Variants in RPTOR observed in about 807,000 individuals in gnomAD.
The protein encoded by RPTOR is regulatory associated protein of MTOR complex 1.
RPTOR carries 21 observed loss-of-function variants against 169.9 expected under a neutral mutation model. That is an observed-to-expected ratio of 0.12 (90% CI 0.09 to 0.18). The LOEUF is 0.18. Among genes scored for constraint, RPTOR ranks in the 10% least tolerant of loss-of-function variants. The pLI is 1.00. For missense variants in RPTOR, 1,133 were observed against 1,855.9 expected, an observed-to-expected ratio of 0.61 and a Z score of 7.16; for synonymous variants, 732 against 753.2, an observed-to-expected ratio of 0.97 and a Z score of 0.46.
chr17:80,601,572 T>TTTTTTTTTTTTTA (rs1491485204), intron 1 of RPTOR, among the ~76,000 whole-genome samples: 1 of 48,596 alleles, frequency 2.1e-5, no homozygotes, highest in African/African-American at 1.1e-4. Context: ...TTTTTTTTTT[T>TTTTTTTTTTTTTA]AAATTTATTT....
intron 10 of RPTOR, among the ~76,000 whole-genome samples, chr17:80,841,887 C>T (rs1282311910): frequency 9.1e-6 from 1 of 109,846 alleles, no homozygotes; most frequent in Non-Finnish European, 1.9e-5. Context: ...GCAGCTCACT[C>T]TTACCGCACG....
intron 6 of RPTOR, among the ~76,000 whole-genome samples, chr17:80,789,512 C>T (rs945673444): frequency 3.9e-5 from 6 of 152,192 alleles, no homozygotes; most frequent in Non-Finnish European, 5.9e-5. Flanking sequence ...CTGTCCTCCA[C>T]GGGGATCCTG....
intron 9 of RPTOR, among the ~76,000 whole-genome samples, chr17:80,834,698 A>T (rs1430768686): frequency 6.6e-6 from 1 of 152,168 alleles, no homozygotes; most frequent in African/African-American, 2.4e-5. Flanking sequence ...CGGTGTGCTG[A>T]GCGATGTCTC....
At chr17:80,915,983 T>C (rs955239627) in intron 21 of RPTOR, among the ~76,000 whole-genome samples, 1 of 152,136 alleles carries the variant, frequency 6.6e-6, no homozygotes, top group Non-Finnish European at 1.5e-5. Flanking sequence ...CTACCAACTG[T>C]GGGTCTCCTC....
Position 80,841,399 on chromosome 17 carries a change from G to A in RPTOR, c.1212+3402G>A, listed in dbSNP as rs1231276061. Among the ~76,000 whole-genome samples the A allele has an allele frequency of 1.1e-3, 85 of 76,984 alleles. 1 individual carries two copies. Among genetic ancestry groups the A allele is most frequent in the Middle Eastern group, 0.01 (1 of 96 alleles). The allele number at this position is 76,984 out of a possible 152,430, so 50.5% of individuals were successfully genotyped here. Reference sequence around the variant, plus strand: ...CACTCACCGCACGGCAGCTCACACCGCACGGCAGCTCACACTCACCACACG... The same window carrying A: ...CACTCACCGCACGGCAGCTCACACCACACGGCAGCTCACACTCACCACACG... On this transcript the variant is annotated intron_variant, in intron 10 of 33. Transcript: ENST00000306801.
intron 1 of RPTOR, among the ~76,000 whole-genome samples, chr17:80,566,601 A>G (rs2064843638): frequency 6.6e-6 from 1 of 152,040 alleles, no homozygotes; most frequent in East Asian, 1.9e-4. Flanking sequence ...CAGGCGGATC[A>G]TGAGGTCAGG....
rs1468406195 is a variant in RPTOR at position 80,820,620 on chromosome 17, T to C, written c.891-1581T>C. Among the ~76,000 whole-genome samples the C allele has an allele frequency of 6.6e-6, 1 of 152,142 alleles. No homozygotes were observed. The highest frequency in any genetic ancestry group is 1.5e-5 in the Non-Finnish European group (1 of 68,016). On this transcript the variant is annotated intron_variant, in intron 7 of 33. Coordinates refer to ENST00000306801, the MANE Select transcript of RPTOR (RefSeq NM_020761.3). This position sits in a 1 kb window ranked among gnomAD's most constrained non-coding sequence, Gnocchi z 4.1. ...AGAGGGTGGGCACCTTTGCTTTTCC[T>C]CACTCCCCTGCTCGGAGGTCGGAGG...
At chr17:80,931,973 C>T (rs1443237165) in intron 24 of RPTOR, among the ~76,000 whole-genome samples, 2 of 152,096 alleles carry the variant, frequency 1.3e-5, no homozygotes, top group East Asian at 3.9e-4. Flanking sequence ...CAAAAACCCT[C>T]CCGAAACCCA....
In RPTOR at chr17:80,800,867, C is replaced by T. The variant is rs567451267; in HGVS notation, c.890+9358C>T. ...GCTCAAAGCGTACCCAGAACTTACT[C>T]GTGATTAACATTGATTGTGTACACA... On this transcript the variant is annotated intron_variant, in intron 7 of 33. Coordinates refer to ENST00000306801, the MANE Select transcript of RPTOR (RefSeq NM_020761.3). Among the ~76,000 whole-genome samples, 9 of 152,336 alleles carry T rather than the reference C, an allele frequency of 5.9e-5. No individual in the cohort carries two copies. In the East Asian group the frequency reaches 1.5e-3, roughly 26 times the overall value.
intron 7 of RPTOR, among the ~76,000 whole-genome samples, chr17:80,811,267 C>A (rs79658599): frequency 1.3e-5 from 2 of 152,292 alleles, no homozygotes; most frequent in East Asian, 3.9e-4. Context: ...GCTTCTAGAC[C>A]TAGTTTTCTG....
chr17:80,638,660 G>T (rs1567833613), intron 2 of RPTOR, among the ~76,000 whole-genome samples: 1 of 152,068 alleles, frequency 6.6e-6, no homozygotes, highest in Non-Finnish European at 1.5e-5. Flanking sequence ...GTCTCAAGGT[G>T]GTATCTCTGC....
intron 3 of RPTOR, among the ~76,000 whole-genome samples, chr17:80,693,425 A>T (rs1484072113): frequency 6.6e-6 from 1 of 152,272 alleles, no homozygotes; most frequent in Non-Finnish European, 1.5e-5. Flanking sequence ...TGGAAGCAAT[A>T]GCTTTTCTTT....
chr17:80,664,307 T>A (rs1273341255), intron 3 of RPTOR, among the ~76,000 whole-genome samples: 1 of 152,212 alleles, frequency 6.6e-6, no homozygotes, highest in Admixed American at 6.5e-5. Flanking sequence ...TAGCTGTGTT[T>A]ATTTTTTTCC....
At chr17:80,737,325 G>T (rs1205454449) in intron 5 of RPTOR, among the ~76,000 whole-genome samples, 1 of 152,128 alleles carries the variant, frequency 6.6e-6, no homozygotes, top group African/African-American at 2.4e-5. Flanking sequence ...CCCATGCCGA[G>T]GTCTTTATTT....
At chr17:80,576,983 C>T (rs1004456885) in intron 1 of RPTOR, among the ~76,000 whole-genome samples, 8 of 151,906 alleles carry the variant, frequency 5.3e-5, no homozygotes, top group Non-Finnish European at 7.4e-5. Flanking sequence ...GGATTACAGG[C>T]GTGAGCTCCC....
chr17:80,770,817 C>T (rs1274466471), intron 6 of RPTOR, among the ~76,000 whole-genome samples: 1 of 152,234 alleles, frequency 6.6e-6, no homozygotes, highest in Non-Finnish European at 1.5e-5. Context: ...CCCAGCAGAA[C>T]CAGCAATAAA....
At chr17:80,846,938 A>G (rs1302402729) in intron 11 of RPTOR, among the ~76,000 whole-genome samples, 1 of 152,258 alleles carries the variant, frequency 6.6e-6, no homozygotes, top group Non-Finnish European at 1.5e-5. Context: ...AGATTCAGCT[A>G]CAGATGGGCT....
intron 1 of RPTOR, among the ~76,000 whole-genome samples, chr17:80,548,371 G>GT (rs34301408): frequency 0.061 from 3,849 of 63,448 alleles, 505 homozygotes; most frequent in Non-Finnish European, 0.083. Context: ...GCCTGGGGTG[G>GT]TTTTTTTTTT....
chr17:80,600,373 C>T (rs1209016803), intron 1 of RPTOR, among the ~76,000 whole-genome samples: 2 of 152,186 alleles, frequency 1.3e-5, no homozygotes, highest in African/African-American at 2.4e-5. Context: ...CCCCAGACTT[C>T]TGTGAGGAGG....
Sources: gnomAD v4.1 joint callset for allele counts (sites outside exome capture counted in the v4.1 genomes callset) on GRCh38, gnomAD v4.1.1 for gene constraint, Gnocchi (gnomAD v3.1) non-coding constraint, MANE v1.5 for transcripts, NCBI Gene and HGNC (gene_info 2026-07-23, HGNC 2026-07-21) for gene names.